Variants in MYO16 observed in about 807,000 individuals in gnomAD.
MYO16 encodes the protein myosin XVI.
Under a neutral mutation model 205.3 loss-of-function variants are expected in MYO16, and 94 were observed. The ratio of observed to expected loss-of-function variants is 0.46; its 90% CI spans 0.39 to 0.54. MYO16 has a LOEUF of 0.54. Ranked by LOEUF, MYO16 falls within the 20% of genes least tolerant of loss-of-function variation. The probability of loss-of-function intolerance (pLI) is 0.00; values close to 1 mark genes in which losing one functional copy is unlikely to be tolerated. For missense variants in MYO16, 2,315 were observed against 2,387.5 expected, an observed-to-expected ratio of 0.97 and a Z score of 0.63; for synonymous variants, 988 against 954.0, an observed-to-expected ratio of 1.04 and a Z score of -0.66.
chr13:108,516,617 G>C, the MYO16 span, among the ~76,000 whole-genome samples: 1 of 152,218 alleles, frequency 6.6e-6, no homozygotes, highest in East Asian at 1.9e-4. Context: ...AGGTAAACAT[G>C]TATCAAGAAA....
intron 27 of MYO16, among the ~76,000 whole-genome samples, chr13:109,075,664 G>A (rs893338177): frequency 1.3e-5 from 2 of 152,066 alleles, no homozygotes; most frequent in Non-Finnish European, 2.9e-5. Flanking sequence ...ATGAGCCACC[G>A]CACCTGGCCT....
At chr13:109,199,230 A>G (rs1466804672) in intron 34 of MYO16, among the ~76,000 whole-genome samples, 9 of 96,364 alleles carry the variant, frequency 9.3e-5, no homozygotes, top group African/African-American at 2.3e-4. Flanking sequence ...ATATATATAT[A>G]TATATATATA....
intron 34 of MYO16, among the ~76,000 whole-genome samples, chr13:109,181,089 G>T (rs1485362338): frequency 1.3e-5 from 2 of 152,232 alleles, no homozygotes; most frequent in Non-Finnish European, 2.9e-5. Context: ...ATATAGTAGG[G>T]TGCTTTGTGA....
Position 109,093,828 on chromosome 13 carries a change from C to T in MYO16, c.3336-6957C>T, listed in dbSNP as rs1242486881. On this transcript the variant is annotated intron_variant, in intron 27 of 34. Coordinates refer to ENST00000457511, the MANE Select transcript of MYO16 (RefSeq NM_001198950.3). ...GATGGCAGCCCTGACTCTTTCCTGC[C>T]CCTCTCCAGCCGCACTCAGCCTCAC... 2.0e-5 allele frequency among the ~76,000 whole-genome samples: 3 copies of T among 152,188 alleles called. No homozygotes were observed. In the East Asian group the frequency reaches 5.8e-4, roughly 30 times the overall value.
intron 27 of MYO16, among the ~76,000 whole-genome samples, chr13:109,097,328 C>T (rs1888809743): frequency 6.6e-6 from 1 of 152,068 alleles, no homozygotes; most frequent in African/African-American, 2.4e-5. Flanking sequence ...AAACTCTGTT[C>T]ACTGAGGTAC....
At position 108,855,536 on chromosome 13, in the gene MYO16, G is replaced by A. The variant is rs201263234; in HGVS notation, c.1342G>A (p.Gly448Arg). Residue 448 changes from glycine (G) to arginine (R), a missense_variant, in exon 11 of 35, where the codon GGG becomes AGG. Physicochemically the swap from Gly to Arg is moderately radical, Grantham distance 125. Coordinates refer to ENST00000457511, the MANE Select transcript of MYO16 (RefSeq NM_001198950.3). The stretch of plus-strand genomic sequence containing the variant: ...GCTCTATGAGATTCAGAAGCGCTTT[G>A]GGAACAATCAGATCTATGTGAGTGC... Reference protein sequence around the residue: ...SLLYEIQKRFGNNQIYTFIGD... With the variant: ...SLLYEIQKRFRNNQIYTFIGD... 46 of 1,588,688 alleles carry A rather than the reference G, an allele frequency of 2.9e-5. No homozygotes were observed. The highest frequency in any genetic ancestry group is 3.9e-5 in the Non-Finnish European group (45 of 1,160,632).
At chr13:108,860,380 T>G (rs907766903) in intron 11 of MYO16, among the ~76,000 whole-genome samples, 2 of 152,202 alleles carry the variant, frequency 1.3e-5, no homozygotes. Flanking sequence ...ATGATGCACA[T>G]GTACCATTCT....
At chr13:108,749,666 C>T (rs1885167822) in intron 4 of MYO16, among the ~76,000 whole-genome samples, 1 of 152,224 alleles carries the variant, frequency 6.6e-6, no homozygotes. Flanking sequence ...CAGGAGCTCT[C>T]ATTCACTGCT....
intron 2 of MYO16, among the ~76,000 whole-genome samples, 195 bp downstream of exon 2, chr13:108,666,344 C>T (rs16972894): frequency 0.12 from 18,686 of 151,526 alleles, 1,442 homozygotes; most frequent in South Asian, 0.3. Context: ...GTCCTACCAC[C>T]TAGTAAGATA....
intron 7 of MYO16, among the ~76,000 whole-genome samples, 196 bp from the exon 8 acceptor site, chr13:108,820,141 C>T (rs1875885076): frequency 1.3e-5 from 2 of 152,020 alleles, no homozygotes; most frequent in African/African-American, 4.8e-5. Context: ...GTTCTGAATC[C>T]AGAAAGGGCT....
At chr13:108,876,720 G>T (rs1043286181) in intron 12 of MYO16, among the ~76,000 whole-genome samples, 1 of 147,532 alleles carries the variant, frequency 6.8e-6, no homozygotes, top group African/African-American at 2.5e-5. Flanking sequence ...AGGCTGGAGT[G>T]CAGTGGCACA....
At chr13:109,023,994 G>T (rs1224700100) in intron 23 of MYO16, among the ~76,000 whole-genome samples, 2 of 104,350 alleles carry the variant, frequency 1.9e-5, no homozygotes, top group Admixed American at 1.1e-4. Flanking sequence ...ATTTCTATAT[G>T]TATATATAGA....
chr13:108,638,111 A>G (rs1880340811), intron 1 of MYO16, among the ~76,000 whole-genome samples: 1 of 152,104 alleles, frequency 6.6e-6, no homozygotes, highest in Non-Finnish European at 1.5e-5. Flanking sequence ...TTAAGGGAAA[A>G]TCACTCTCAA....
chr13:108,775,012 T>C (rs1380830879), intron 4 of MYO16, among the ~76,000 whole-genome samples: 2 of 152,198 alleles, frequency 1.3e-5, no homozygotes. Context: ...TATTATGAAG[T>C]AAGTTTAGGC....
chr13:108,634,237 G>T (rs1452373385), intron 1 of MYO16, among the ~76,000 whole-genome samples: 1 of 152,118 alleles, frequency 6.6e-6, no homozygotes, highest in Non-Finnish European at 1.5e-5. Context: ...AGGCTGAGGA[G>T]TTACAAACCT....
At chr13:108,495,846 G>T in the MYO16 span, among the ~76,000 whole-genome samples, 1 of 151,734 alleles carries the variant, frequency 6.6e-6, no homozygotes, top group South Asian at 2.1e-4. Flanking sequence ...CACCCGCCGC[G>T]CGGGGCTGGT....
At position 109,086,679 on chromosome 13, in the gene MYO16, A is replaced by T. The variant is rs149464263; in HGVS notation, c.3336-14106A>T. Among the ~76,000 whole-genome samples the T allele has an allele frequency of 7.2e-5, 11 of 152,272 alleles. No homozygotes were observed. The East Asian group carries it at 1.9e-3, about 27-fold the overall frequency. ...CAAATAGTGAAAGTAAGTCATCAAG[A>T]TACAATATGACAATTTGGTGCACAA... On this transcript the variant is annotated intron_variant, in intron 27 of 34. Transcript: ENST00000457511.
chr13:108,651,616 A>T (rs574821054), intron 1 of MYO16, among the ~76,000 whole-genome samples: 1 of 152,228 alleles, frequency 6.6e-6, no homozygotes, highest in Non-Finnish European at 1.5e-5. Context: ...AACATGCCCA[A>T]ATAATTGGAT....
At chr13:108,679,789 T>G (rs1222756975) in intron 2 of MYO16, among the ~76,000 whole-genome samples, 1 of 151,976 alleles carries the variant, frequency 6.6e-6, no homozygotes, top group Non-Finnish European at 1.5e-5. Context: ...GTTTCCAAAC[T>G]TCTTTTCAAG....
Sources: gnomAD v4.1 joint callset for allele counts (sites outside exome capture counted in the v4.1 genomes callset) on GRCh38, gnomAD v4.1.1 for gene constraint, MANE v1.5 for transcripts, NCBI Gene and HGNC (gene_info 2026-07-23, HGNC 2026-07-21) for gene names.